MAP4K5: variants seen among roughly 807,000 people sequenced by gnomAD.
MAP4K5 encodes the protein MAPK/ERK kinase kinase kinase 5.
A neutral mutation model predicts 135.6 loss-of-function variants in MAP4K5; 82 were observed. That is an observed-to-expected ratio of 0.60 (90% CI 0.51 to 0.73). The LOEUF is 0.73. Among genes scored for constraint, MAP4K5 ranks in the 30% least tolerant of loss-of-function variants. The pLI is 0.00. For missense variants in MAP4K5, 907 were observed against 1,010.9 expected, an observed-to-expected ratio of 0.90 and a Z score of 1.39; for synonymous variants, 347 against 335.0, an observed-to-expected ratio of 1.04 and a Z score of -0.39.
At chr14:50,529,203 C>CT (rs1409630752) in intron 2 of MAP4K5, among the ~76,000 whole-genome samples, 2 of 151,648 alleles carry the variant, frequency 1.3e-5, no homozygotes, top group African/African-American at 4.9e-5. Flanking sequence ...GGAAACATGG[C>CT]AAGACCTCCT....
chr14:50,432,575 A>C (rs1427273573), intron 28 of MAP4K5, among the ~76,000 whole-genome samples: 1 of 132,910 alleles, frequency 7.5e-6, no homozygotes, highest in Non-Finnish European at 1.6e-5. Flanking sequence ...AAAAAAAAAA[A>C]ACAAAAAAAC....
At chr14:50,542,059 T>G (rs2140146846) in intron 2 of MAP4K5, among the ~76,000 whole-genome samples, 2 of 145,816 alleles carry the variant, frequency 1.4e-5, no homozygotes, top group Non-Finnish European at 1.5e-5. Flanking sequence ...GAATATGCTG[T>G]TATCTGCTGA....
intron 20 of MAP4K5, 68 bp downstream of exon 20, chr14:50,443,661 T>C: frequency 7.8e-7 from 1 of 1,281,670 alleles, no homozygotes; most frequent in South Asian, 1.6e-5. Flanking sequence ...AGTATATTGA[T>C]AGCCAATATA....
Position 50,482,752 on chromosome 14 carries a change from G to C in MAP4K5, c.323-336C>G, listed in dbSNP as rs544992603. 4.0e-5 allele frequency: 7 copies of C among 174,438 alleles called. No individual in the cohort carries two copies. The South Asian group carries it at 1.0e-3, about 26-fold the overall frequency. The allele number at this position is 174,438 out of a possible 1,614,324, so 10.8% of individuals were successfully genotyped here. ...AGATCACACCACCGCACTCCAGCCT[G>C]GCGGCAGAACGAGACTCGGTCTCGG... On this transcript the variant is annotated intron_variant, in intron 5 of 32. Coordinates refer to ENST00000682126, the MANE Select transcript of MAP4K5 (RefSeq NM_006575.6).
intron 14 of MAP4K5, among the ~76,000 whole-genome samples, chr14:50,453,219 G>A (rs1051649811): frequency 4.6e-5 from 7 of 150,832 alleles, no homozygotes; most frequent in African/African-American, 1.7e-4. Flanking sequence ...CTTGTAATCA[G>A]CTGGTTTCCT....
chr14:50,527,772 A>T (rs2038298081), intron 2 of MAP4K5, among the ~76,000 whole-genome samples: 1 of 151,752 alleles, frequency 6.6e-6, no homozygotes, highest in Admixed American at 6.6e-5. Context: ...TTAGAAAAAA[A>T]TTCATAGGAT....
At chr14:50,483,837 CATTTATTTATTT>C (rs72048369) in intron 5 of MAP4K5, among the ~76,000 whole-genome samples, 88 of 144,296 alleles carry the variant, frequency 6.1e-4, no homozygotes, top group Middle Eastern at 3.5e-3. Context: ...ACAGCAATTC[CATTTATTTATTT>C]ATTTATTTAT....
chr14:50,444,832 A>T (rs1235958510), intron 18 of MAP4K5, among the ~76,000 whole-genome samples: 10 of 152,216 alleles, frequency 6.6e-5, no homozygotes. Context: ...ATTAGGATTG[A>T]AGTGAACTGA....
At position 50,445,131 on chromosome 14, in the gene MAP4K5, G is replaced by A. The variant is rs2036315114; in HGVS notation, c.1249C>T (p.His417Tyr). 1.9e-6 allele frequency: 3 copies of A among 1,613,584 alleles called. No homozygotes were observed. The highest frequency in any genetic ancestry group is 2.7e-5 in the African/African-American group (2 of 75,036). ...PDEEKASTIK[H>Y]CPDSESRAPQ... is the part of the protein sequence containing the mutation. Reference sequence around the variant, plus strand: ...GCTCTGCTTTCTGAATCAGGACAATGTTTTATGGTTGATGCTTTTTCTTCA... The same window carrying A: ...GCTCTGCTTTCTGAATCAGGACAATATTTTATGGTTGATGCTTTTTCTTCA... The change falls in exon 18 of 33, where the codon CAT becomes TAT. Residue 417 changes from histidine to tyrosine, a missense_variant. This residue lies in a region of MAP4K5 where 690 missense variants were observed against 777.4 expected (regional missense o/e 0.89). Coordinates refer to ENST00000682126, the MANE Select transcript of MAP4K5 (RefSeq NM_006575.6).
intron 13 of MAP4K5, among the ~76,000 whole-genome samples, chr14:50,462,323 G>T (rs2036729191): frequency 1.3e-5 from 2 of 152,148 alleles, no homozygotes; most frequent in Admixed American, 1.3e-4. Context: ...CACTAAAAGG[G>T]AAAGCACCTC....
In MAP4K5 at chr14:50,420,113, T is replaced by A. The variant is rs775273647; in HGVS notation, c.2454-7A>T. On this transcript the variant is annotated splice_region_variant and splice_polypyrimidine_tract_variant and intron_variant, in intron 32 of 32. Transcript: ENST00000682126. ...ACTTTCCAAAACGACAACCCTGTAA[T>A]TAAACCAAAACAAAGGGCTTAAGAG... 6.3e-7 allele frequency: 1 copy of A among 1,580,234 alleles called. No individual in the cohort carries two copies. Among genetic ancestry groups the A allele is most frequent in the South Asian group, 1.1e-5 (1 of 88,426 alleles).
In MAP4K5 at chr14:50,532,566, G is replaced by A. The variant is rs893347497; in HGVS notation, c.-228C>T. ...GTCCTCTCGGGGGCGGCGGAGGCGC[G>A]TACAGTCGCCGCCGCCGCCGCCGCC... On this transcript the variant is annotated 5_prime_UTR_variant, in exon 1 of 33. The change creates a new upstream start codon in the 5' untranslated region. Transcript: ENST00000682126. 5.9e-5 allele frequency: 9 copies of A among 151,700 alleles called. No individual in the cohort carries two copies. In the South Asian group the frequency reaches 8.0e-4, roughly 13 times the overall value. 9.4% of individuals were successfully genotyped at this position (151,700 alleles called of 1,614,324 possible). A position where few individuals can be genotyped will look rare whatever the true frequency, so the allele number is the denominator to read the frequency against.
intron 11 of MAP4K5, among the ~76,000 whole-genome samples, chr14:50,466,296 C>T (rs1220954603): frequency 6.8e-6 from 1 of 147,468 alleles, no homozygotes; most frequent in South Asian, 2.2e-4. Context: ...GAGGGAGGAT[C>T]TCTTGAGCCC....
chr14:50,513,590 A>G (rs1312993902), intron 2 of MAP4K5, among the ~76,000 whole-genome samples: 1 of 68 alleles, frequency 0.015, no homozygotes, highest in East Asian at 0.5. Flanking sequence ...CTGGGGCTAA[A>G]AAAAAAAAAA....
At chr14:50,518,339 G>A (rs955959798) in intron 2 of MAP4K5, among the ~76,000 whole-genome samples, 6 of 152,032 alleles carry the variant, frequency 3.9e-5, no homozygotes, top group Non-Finnish European at 7.4e-5. Context: ...ATAGGTATAT[G>A]TGTGCCATGG....
At chr14:50,536,972 G>C (rs2038501079), upstream of MAP4K5, among the ~76,000 whole-genome samples, 2 of 152,244 alleles carry the variant, frequency 1.3e-5, 1 homozygote, top group Admixed American at 1.3e-4. Context: ...AATTCAAGCA[G>C]GCTGCAGAAA....
chr14:50,430,908 A>T (rs2035954615), intron 28 of MAP4K5, among the ~76,000 whole-genome samples: 1 of 152,188 alleles, frequency 6.6e-6, no homozygotes, highest in Non-Finnish European at 1.5e-5. Context: ...TGTTTGCCGG[A>T]GTGAGGGCAT....
chr14:50,491,527 C>T (rs61984294), intron 3 of MAP4K5, among the ~76,000 whole-genome samples: 40,287 of 151,642 alleles, frequency 0.27, 6,300 homozygotes, highest in South Asian at 0.4. Context: ...AAACTCCCGA[C>T]TTCAGGTGAT....
At chr14:50,434,905 T>C (rs1271433602) in intron 27 of MAP4K5, 57 bp downstream of exon 27, 4 of 1,027,286 alleles carry the variant, frequency 3.9e-6, no homozygotes, top group Middle Eastern at 3.1e-4. Context: ...TAATTTTAGC[T>C]TCAGTTATAC....
Sources: allele counts gnomAD v4.1 joint callset (sites outside exome capture counted in the v4.1 genomes callset), GRCh38; gene constraint gnomAD v4.1.1; regional missense constraint gnomAD v4.1.1; transcripts MANE v1.5; gene names NCBI Gene and HGNC (gene_info 2026-07-23, HGNC 2026-07-21).